The following CAP2 variants were observed in gnomAD, a reference collection of about 807,000 sequenced individuals.
The protein encoded by CAP2 is adenylyl cyclase-associated protein 2.
A neutral mutation model predicts 57.7 loss-of-function variants in CAP2; 24 were observed. That is an observed-to-expected ratio of 0.42 (90% CI 0.30 to 0.58). The LOEUF is 0.58. Ranked by LOEUF, CAP2 falls within the 20% of genes least tolerant of loss-of-function variation. The pLI, the probability that CAP2 is intolerant of heterozygous loss-of-function variation, is 0.22. For synonymous variants in CAP2, 194 were observed against 207.2 expected (o/e 0.94, Z 0.55); for missense variants, 501 against 590.3 (o/e 0.85, Z 1.57).
chr6:17,404,604 C>CA lies in CAP2; in HGVS notation c.-2+10874dup, dbSNP rs71536725. Among the ~76,000 whole-genome samples the CA allele has an allele frequency of 6.9e-3, 881 of 127,438 alleles. 8 individuals carry two copies. The highest frequency in any genetic ancestry group is 0.02 in the African/African-American group (689 of 33,818). 83.6% of individuals were successfully genotyped at this position (127,438 alleles called of 152,430 possible). Reference sequence around the variant, plus strand: ...TGGGTGACAGAGCAAGACTCCATCTCAAAAAAAAAAAAAAAATTTAGCTGG... The same window carrying CA: ...TGGGTGACAGAGCAAGACTCCATCTCAAAAAAAAAAAAAAAAATTTAGCTGG... On this transcript the variant is annotated intron_variant, in intron 1 of 12. Coordinates refer to ENST00000229922, the MANE Select transcript of CAP2 (RefSeq NM_006366.3).
chr6:17,451,725 C>T (rs1760409024), intron 3 of CAP2, among the ~76,000 whole-genome samples: 1 of 152,058 alleles, frequency 6.6e-6, no homozygotes, highest in African/African-American at 2.4e-5. Flanking sequence ...GACCAGGCTG[C>T]TCTCAAACTC....
At chr6:17,421,995 G>T (rs1759462183) in intron 2 of CAP2, among the ~76,000 whole-genome samples, 1 of 152,174 alleles carries the variant, frequency 6.6e-6, no homozygotes, top group African/African-American at 2.4e-5. Flanking sequence ...GCATCTCCCT[G>T]CCTCGGCCTC....
intron 4 of CAP2, among the ~76,000 whole-genome samples, chr6:17,494,962 C>A (rs1057300101): frequency 6.6e-6 from 1 of 152,146 alleles, no homozygotes; most frequent in Non-Finnish European, 1.5e-5. Flanking sequence ...TGCCTTTGGA[C>A]TCGAATTGAA....
At chr6:17,505,718 A>C (rs1761963536) in intron 4 of CAP2, among the ~76,000 whole-genome samples, 3 of 152,190 alleles carry the variant, frequency 2.0e-5, no homozygotes, top group Admixed American at 2.0e-4. Flanking sequence ...TTTGGAGCAC[A>C]CACAAAAATC....
intron 1 of CAP2, among the ~76,000 whole-genome samples, chr6:17,402,877 A>G (rs949587192): frequency 1.3e-5 from 2 of 152,238 alleles, no homozygotes; most frequent in African/African-American, 4.8e-5. Flanking sequence ...TAGGGTACTC[A>G]TGAAATTTGT....
chr6:17,466,955 T>C (rs1346839991), intron 4 of CAP2, among the ~76,000 whole-genome samples: 1 of 152,180 alleles, frequency 6.6e-6, no homozygotes, highest in African/African-American at 2.4e-5. Flanking sequence ...ATGACTCATA[T>C]AATTATTTAC....
chr6:17,460,885 T>C (rs1423525276), intron 3 of CAP2, among the ~76,000 whole-genome samples: 1 of 152,210 alleles, frequency 6.6e-6, no homozygotes, highest in Non-Finnish European at 1.5e-5. Context: ...TGGTGGCTCA[T>C]GCCTGTAATC....
At position 17,531,796 on chromosome 6, in the gene CAP2, G is replaced by A. The variant is rs1762647990; in HGVS notation, c.637-7473G>A. ...TTCTCCTTTTAGGATAAAGATACCTGCAAATCACCCAGACCGTCCTGAGGA... is the reference window on the plus strand; with the variant it reads ...TTCTCCTTTTAGGATAAAGATACCTACAAATCACCCAGACCGTCCTGAGGA... On this transcript the variant is annotated intron_variant, in intron 7 of 12. Transcript: ENST00000229922. 4 of 569,928 alleles carry A rather than the reference G, an allele frequency of 7.0e-6. No individual in the cohort carries two copies. The East Asian group carries it at 1.1e-4, about 16-fold the overall frequency. 35.3% of individuals were successfully genotyped at this position (569,928 alleles called of 1,614,324 possible). A position where few individuals can be genotyped will look rare whatever the true frequency, so the allele number is the denominator to read the frequency against.
intron 1 of CAP2, among the ~76,000 whole-genome samples, chr6:17,408,128 A>G (rs1759033851): frequency 1.3e-5 from 2 of 152,200 alleles, no homozygotes; most frequent in Admixed American, 1.3e-4. Flanking sequence ...TATAAAGGAT[A>G]CCTGAGACTC....
At chr6:17,479,682 G>A (rs868070726) in intron 4 of CAP2, among the ~76,000 whole-genome samples, 13 of 148,880 alleles carry the variant, frequency 8.7e-5, no homozygotes, top group Middle Eastern at 3.4e-3. Context: ...CACGATCTCG[G>A]CTCACTGCCA....
Position 17,540,990 on chromosome 6 carries a change from G to C in CAP2, c.844G>C (p.Asp282His). The C allele has an allele frequency of 6.2e-7, 1 of 1,613,888 alleles. No individual in the cohort carries two copies. The highest frequency in any genetic ancestry group is 8.5e-7 in the Non-Finnish European group (1 of 1,179,862). ...AITKGLRHVTDDQKTYKNPSL... is the reference protein window; with the variant it reads ...AITKGLRHVTHDQKTYKNPSL... Reference sequence around the variant, plus strand: ...CCTCCTAGGGCTCCGCCATGTCACAGATGACCAGAAGACATACAAAAATCC... The same window carrying C: ...CCTCCTAGGGCTCCGCCATGTCACACATGACCAGAAGACATACAAAAATCC... The change falls in exon 9 of 13, where the codon GAT (aspartate) becomes CAT (histidine). Residue 282 changes from aspartate to histidine, a missense_variant. Physicochemically the swap from Asp to His is moderately conservative, Grantham distance 81. Coordinates refer to ENST00000229922, the MANE Select transcript of CAP2 (RefSeq NM_006366.3).
chr6:17,422,689 G>A (rs1441887518), intron 2 of CAP2, among the ~76,000 whole-genome samples: 1 of 151,992 alleles, frequency 6.6e-6, no homozygotes, highest in East Asian at 1.9e-4. Context: ...ATACCATACT[G>A]TAAAACATTT....
intron 3 of CAP2, among the ~76,000 whole-genome samples, chr6:17,446,378 G>A (rs2113571467): frequency 6.6e-6 from 1 of 152,266 alleles, no homozygotes; most frequent in African/African-American, 2.4e-5. Context: ...TACCAAACAA[G>A]ATTTTTCTTT....
At chr6:17,394,580 A>C (rs1012783284) in intron 1 of CAP2, among the ~76,000 whole-genome samples, 1 of 152,218 alleles carries the variant, frequency 6.6e-6, no homozygotes. Context: ...GGAGATGAAC[A>C]CTTGGTAAAA....
At chr6:17,418,960 C>T (rs932396115) in intron 1 of CAP2, among the ~76,000 whole-genome samples, 19 of 152,098 alleles carry the variant, frequency 1.2e-4, no homozygotes, top group African/African-American at 4.1e-4. Context: ...AATTTTGAAT[C>T]CCCTTAGGAT....
At chr6:17,546,880 G>A (rs1763059423) in intron 11 of CAP2, among the ~76,000 whole-genome samples, 1 of 152,160 alleles carries the variant, frequency 6.6e-6, no homozygotes, top group Admixed American at 6.6e-5. Context: ...AGGAAAAGAG[G>A]AAGTCAAATT....
chr6:17,397,096 G>C (rs147885852), intron 1 of CAP2, among the ~76,000 whole-genome samples: 1 of 152,130 alleles, frequency 6.6e-6, no homozygotes, highest in African/African-American at 2.4e-5. Flanking sequence ...GTCTCTCTCT[G>C]TCGCCCAGGC....
At chr6:17,446,588 G>A (rs1387333393) in intron 3 of CAP2, among the ~76,000 whole-genome samples, 1 of 152,208 alleles carries the variant, frequency 6.6e-6, no homozygotes, top group Non-Finnish European at 1.5e-5. Context: ...AAATTCTGGA[G>A]GGATATTCAT....
chr6:17,481,620 A>G (rs1384228863), intron 4 of CAP2, among the ~76,000 whole-genome samples: 1 of 152,180 alleles, frequency 6.6e-6, no homozygotes, highest in Non-Finnish European at 1.5e-5. Context: ...TTTCTCAAGT[A>G]TGTCCTTATA....
Sources: allele counts gnomAD v4.1 joint callset (sites outside exome capture counted in the v4.1 genomes callset), GRCh38; gene constraint gnomAD v4.1.1; transcripts MANE v1.5; gene names NCBI Gene and HGNC (gene_info 2026-07-23, HGNC 2026-07-21).